Variants in NAA38 observed in about 807,000 individuals in gnomAD.
NAA38 encodes the protein N-alpha-acetyltransferase 38, NatC auxiliary subunit.
Under a neutral mutation model 12.6 loss-of-function variants are expected in NAA38, and 15 were observed. The ratio of observed to expected loss-of-function variants is 1.19; its 90% CI spans 0.79 to 1.83. NAA38 has a LOEUF of 1.83. NAA38 is among the 40% of genes most tolerant of loss of function. The pLI, the probability that NAA38 is intolerant of heterozygous loss-of-function variation, is 0.00. For synonymous variants in NAA38, 88 were observed against 69.9 expected (o/e 1.26, Z -1.29); for missense variants, 183 against 171.7 (o/e 1.07, Z -0.37).
At position 7,857,064 on chromosome 17, in the gene NAA38, A is replaced by C. The variant is rs1427521674; in HGVS notation, c.216T>G (p.Arg72=). Residue 72 remains arginine, a synonymous_variant, in exon 2 of 3, where the codon CGT becomes CGG. Transcript: ENST00000575771. Reference sequence around the variant, plus strand: ...CCGAGCCCAGGATGACATTGCAGTCACGGTCAGTGCAGAGGAAGCAGCCGA... The same window carrying C: ...CCGAGCCCAGGATGACATTGCAGTCCCGGTCAGTGCAGAGGAAGCAGCCGA... ...TLVGCFLCTD[R]DCNVILGSAQ... 5.0e-6 allele frequency: 8 copies of C among 1,613,356 alleles called. No homozygotes were observed. The highest frequency in any genetic ancestry group is 6.8e-6 in the Non-Finnish European group (8 of 1,179,876).
At chr17:7,884,729 G>GAGGAGGAGGAGGAGGAGA in intron 1 of NAA38, 1 of 373,282 alleles carries the variant, frequency 2.7e-6, no homozygotes, top group Non-Finnish European at 4.7e-6. Flanking sequence ...GGAGGAGGAG[G>GAGGAGGAGGAGGAGGAGA]AGGAGGTGGT....
At chr17:7,885,064 G>GCCGCCC (rs1967561523) in intron 1 of NAA38, 2 of 984,160 alleles carry the variant, frequency 2.0e-6, no homozygotes, top group Non-Finnish European at 2.4e-6. Flanking sequence ...TGCCCCCGCC[G>GCCGCCC]CCGCCGCCCC....
intron 2 of NAA38, among the ~76,000 whole-genome samples, chr17:7,870,769 C>T (rs1236042362): frequency 6.6e-6 from 1 of 151,852 alleles, no homozygotes; most frequent in Non-Finnish European, 1.5e-5. Context: ...CGCCTGTAAT[C>T]CCAGCTACTC....
At chr17:7,867,117 TAGATTGGAG>T (rs1021578958) in intron 2 of NAA38, among the ~76,000 whole-genome samples, 18 of 151,812 alleles carry the variant, frequency 1.2e-4, no homozygotes, top group Admixed American at 1.1e-3. Flanking sequence ...AATGCAAACG[TAGATTGGAG>T]AGTTTGGAGA....
At chr17:7,859,638 C>A, upstream of NAA38, 1 of 1,603,878 alleles carries the variant, frequency 6.2e-7, no homozygotes, top group Non-Finnish European at 8.5e-7. Context: ...CTCGTGTAGA[C>A]TCAAGACGTA....
Position 7,857,148 on chromosome 17 carries a change from C to T in NAA38, c.132G>A (p.Gln44=), listed in dbSNP as rs754690128. ...TAGTCTTGTTGAGCAGCGCCTCTAG[C>T]TGCTGTCGGGCGCGCTCAGCCGCCG... The part of the protein sequence containing the change: ...EDSAAERARQ[Q]LEALLNKTMR... Residue 44 remains glutamine, a synonymous_variant, in exon 2 of 3, where the codon CAG becomes CAA. Coordinates refer to ENST00000575771, the MANE Select transcript of NAA38 (RefSeq NM_001320925.4). 3 of 1,613,110 alleles carry T rather than the reference C, an allele frequency of 1.9e-6. No individual in the cohort carries two copies. Among genetic ancestry groups the T allele is most frequent in the South Asian group, 2.2e-5 (2 of 91,090 alleles).
intron 2 of NAA38, among the ~76,000 whole-genome samples, chr17:7,874,078 G>A (rs1967132767): frequency 6.6e-6 from 1 of 152,128 alleles, no homozygotes; most frequent in African/African-American, 2.4e-5. Flanking sequence ...TAAGAAGAGG[G>A]CACCAAGACA....
upstream of NAA38, chr17:7,860,632 C>G (rs1248768606): frequency 6.6e-6 from 1 of 152,190 alleles, no homozygotes; most frequent in Non-Finnish European, 1.5e-5. Context: ...GTAGCCACTG[C>G]TCTCAGCAAG....
upstream of NAA38, chr17:7,858,637 G>C (rs566857290): frequency 3.8e-5 from 61 of 1,605,864 alleles, no homozygotes; most frequent in South Asian, 5.1e-4. Flanking sequence ...CTGACCGGCT[G>C]CCTGAGGTAC....
chr17:7,859,798 G>GA (rs1260633727), upstream of NAA38: 6 of 589,758 alleles, frequency 1.0e-5, no homozygotes, highest in African/African-American at 1.1e-4. Context: ...TTTGCTCTGA[G>GA]AAAATTAGTG....
upstream of NAA38, chr17:7,857,661 C>T (rs2078839658): frequency 9.7e-6 from 13 of 1,341,756 alleles, no homozygotes; most frequent in Non-Finnish European, 1.2e-5. Flanking sequence ...AAGCGTACTA[C>T]GCCGGATGTC....
chr17:7,872,524 G>T (rs554582368), intron 2 of NAA38, among the ~76,000 whole-genome samples: 1 of 152,110 alleles, frequency 6.6e-6, no homozygotes, highest in Admixed American at 6.6e-5. Flanking sequence ...CACCACGCCC[G>T]GCTAATTTTT....
intron 1 of NAA38, chr17:7,884,964 G>A: frequency 7.5e-7 from 1 of 1,337,280 alleles, no homozygotes; most frequent in Non-Finnish European, 9.7e-7. Flanking sequence ...GGAGTACTCG[G>A]GCGCGGGCCG....
At chr17:7,881,405 G>C (rs1029513121) in intron 2 of NAA38, among the ~76,000 whole-genome samples, 3 of 152,020 alleles carry the variant, frequency 2.0e-5, no homozygotes, top group Non-Finnish European at 4.4e-5. Flanking sequence ...CAGGCAGACT[G>C]TCTGAGGAAC....
chr17:7,869,333 C>T (rs1229016411), intron 2 of NAA38, among the ~76,000 whole-genome samples: 1 of 152,182 alleles, frequency 6.6e-6, no homozygotes, highest in African/African-American at 2.4e-5. Context: ...CACCAAAGCT[C>T]AAACTCTTCC....
At chr17:7,884,811 C>A in intron 1 of NAA38, 1 of 749,700 alleles carries the variant, frequency 1.3e-6, no homozygotes, top group Non-Finnish European at 1.9e-6. Context: ...CACAGGATGG[C>A]TTCCCCTCTG....
intron 2 of NAA38, among the ~76,000 whole-genome samples, chr17:7,882,315 G>A (rs1424723021): frequency 1.3e-5 from 2 of 152,138 alleles, no homozygotes; most frequent in Non-Finnish European, 2.9e-5. Context: ...CCCATACACA[G>A]TATGATCCAC....
At chr17:7,865,694 A>G (rs749325087) in intron 3 of NAA38, 5 of 152,186 alleles carry the variant, frequency 3.3e-5, no homozygotes, top group Non-Finnish European at 7.3e-5. Flanking sequence ...ACACTGTAAG[A>G]AGAACATGTG....
intron 2 of NAA38, among the ~76,000 whole-genome samples, chr17:7,882,254 G>A (rs536930811): frequency 6.6e-6 from 1 of 152,268 alleles, no homozygotes; most frequent in South Asian, 2.1e-4. Context: ...AGGCAGAGAG[G>A]CTGCGGCGCA....
Sources: gnomAD v4.1 joint callset for allele counts (sites outside exome capture counted in the v4.1 genomes callset) on GRCh38, gnomAD v4.1.1 for gene constraint, MANE v1.5 for transcripts, NCBI Gene and HGNC (gene_info 2026-07-23, HGNC 2026-07-21) for gene names.